Variants in CACNA1A observed in about 807,000 individuals in gnomAD.
The protein encoded by CACNA1A is voltage-dependent P/Q-type calcium channel subunit alpha-1A.
A neutral mutation model predicts 262.4 loss-of-function variants in CACNA1A; 57 were observed. The ratio of observed to expected loss-of-function variants is 0.22; its 90% confidence interval spans 0.18 to 0.27. The LOEUF (loss-of-function observed/expected upper bound fraction) is 0.27, where lower values mean the gene tolerates loss of function less well. Among genes scored for constraint, CACNA1A ranks in the 10% least tolerant of loss-of-function variants. CACNA1A has a pLI of 1.00. For missense variants in CACNA1A, 2,526 were observed against 3,562.8 expected (o/e 0.71, Z 7.41); for synonymous variants, 1,431 against 1,419.3 (o/e 1.01, Z -0.18).
chr19:13,222,469 C>T (rs1022864370), intron 38 of CACNA1A, among the ~76,000 whole-genome samples: 4 of 149,376 alleles, frequency 2.7e-5, no homozygotes, highest in Non-Finnish European at 4.4e-5. Context: ...AAGCTCGGCT[C>T]GCTGCAACCT....
At chr19:13,368,196 TC>T (rs2059251571) in intron 4 of CACNA1A, among the ~76,000 whole-genome samples, 1 of 151,750 alleles carries the variant, frequency 6.6e-6, no homozygotes, top group Non-Finnish European at 1.5e-5. Context: ...GTGCCTGGAG[TC>T]CCAGCTATTT....
chr19:13,244,505 C>A (rs74818552), intron 31 of CACNA1A: 24,750 of 152,370 alleles, frequency 0.16, 2,727 homozygotes, highest in East Asian at 0.6. Context: ...TACCCTCCCC[C>A]CAATCTCCTG....
intron 4 of CACNA1A, among the ~76,000 whole-genome samples, chr19:13,370,259 C>T (rs1239184186): frequency 6.6e-6 from 1 of 151,906 alleles, no homozygotes; most frequent in South Asian, 2.1e-4. Context: ...CGCCACCACG[C>T]CCGGCTAAGT....
intron 3 of CACNA1A, among the ~76,000 whole-genome samples, chr19:13,428,394 C>T (rs1045303183): frequency 6.6e-6 from 1 of 152,208 alleles, no homozygotes; most frequent in Admixed American, 6.5e-5. Context: ...GCAGGCCTGT[C>T]TTGTTGACCG....
chr19:13,331,161 G>A (rs909629008), intron 9 of CACNA1A, among the ~76,000 whole-genome samples: 2 of 152,098 alleles, frequency 1.3e-5, no homozygotes, highest in African/African-American at 4.8e-5. Context: ...ATAACCTTCT[G>A]GGACGCAGTG....
At chr19:13,482,840 C>T (rs971629980) in intron 1 of CACNA1A, among the ~76,000 whole-genome samples, 2 of 146,670 alleles carry the variant, frequency 1.4e-5, no homozygotes, top group South Asian at 4.5e-4. Flanking sequence ...CCCCTTCTTT[C>T]TCTCAACTTG....
chr19:13,375,043 T>A (rs989013451), intron 3 of CACNA1A, among the ~76,000 whole-genome samples: 3 of 152,238 alleles, frequency 2.0e-5, no homozygotes, highest in African/African-American at 7.2e-5. Flanking sequence ...AATTGAAGAT[T>A]TGTGGCAACC....
intron 3 of CACNA1A, among the ~76,000 whole-genome samples, chr19:13,413,911 G>GAAAAGAAAAGAAAAGA (rs1429238331): frequency 2.0e-5 from 2 of 100,244 alleles, no homozygotes; most frequent in African/African-American, 6.2e-5. Flanking sequence ...AAGAAAGAAA[G>GAAAAGAAAAGAAAAGA]AAAGAAAGAA....
intron 7 of CACNA1A, among the ~76,000 whole-genome samples, 188 bp from the exon 8 acceptor site, chr19:13,334,681 G>A (rs2058532037): frequency 6.6e-6 from 1 of 151,654 alleles, no homozygotes; most frequent in Non-Finnish European, 1.5e-5. Context: ...GGAAAAGACT[G>A]GGATATTATA....
chr19:13,369,029 C>A (rs2059270113), intron 4 of CACNA1A, among the ~76,000 whole-genome samples: 2 of 109,564 alleles, frequency 1.8e-5, no homozygotes, highest in African/African-American at 5.9e-5. Context: ...CAGAGCGAGA[C>A]TCCGTCTCAA....
At chr19:13,431,362 A>G (rs753106708) in intron 3 of CACNA1A, among the ~76,000 whole-genome samples, 1 of 152,060 alleles carries the variant, frequency 6.6e-6, no homozygotes, top group Non-Finnish European at 1.5e-5. Flanking sequence ...GGTAGAGCCA[A>G]TAAGATGTGC....
At chr19:13,215,621 G>GTT (rs34070721) in intron 38 of CACNA1A, among the ~76,000 whole-genome samples, 19 of 135,030 alleles carry the variant, frequency 1.4e-4, no homozygotes, top group Non-Finnish European at 2.2e-4. Flanking sequence ...CGTCTGGCCT[G>GTT]TTTTTTTTTT....
At chr19:13,299,808 A>T (rs760830841) in intron 18 of CACNA1A, among the ~76,000 whole-genome samples, 1 of 151,820 alleles carries the variant, frequency 6.6e-6, no homozygotes, top group Non-Finnish European at 1.5e-5. Flanking sequence ...GCAGTCCCCA[A>T]CCTTTTTGGC....
At chr19:13,366,465 A>G (rs1011930795) in intron 4 of CACNA1A, among the ~76,000 whole-genome samples, 3 of 151,502 alleles carry the variant, frequency 2.0e-5, no homozygotes, top group African/African-American at 4.9e-5. Context: ...AAATAAATCT[A>G]TATATATATT....
At chr19:13,449,706 A>G (rs1045416404) in intron 3 of CACNA1A, among the ~76,000 whole-genome samples, 1 of 152,228 alleles carries the variant, frequency 6.6e-6, no homozygotes, top group Non-Finnish European at 1.5e-5. Flanking sequence ...TAGGTAGCAT[A>G]TATTTCTTAT....
chr19:13,245,889 C>T (rs1299800531), intron 30 of CACNA1A, among the ~76,000 whole-genome samples: 1 of 152,106 alleles, frequency 6.6e-6, no homozygotes. Context: ...TCAGGCTGGT[C>T]TCGAACTTCT....
At chr19:13,333,001 G>T in intron 8 of CACNA1A, 76 bp from the exon 9 acceptor site, 2 of 1,148,218 alleles carry the variant, frequency 1.7e-6, no homozygotes, top group Non-Finnish European at 2.6e-6. Context: ...AGAAGGGTCT[G>T]CCCGGCCACC....
intron 3 of CACNA1A, among the ~76,000 whole-genome samples, chr19:13,404,228 G>A (rs963800169): frequency 2.6e-5 from 4 of 151,978 alleles, no homozygotes; most frequent in African/African-American, 7.3e-5. Flanking sequence ...CATAGTTAAT[G>A]CTGCTATATA....
intron 2 of CACNA1A, among the ~76,000 whole-genome samples, chr19:13,454,667 T>C (rs531257700): frequency 4.7e-4 from 72 of 152,314 alleles, no homozygotes; most frequent in African/African-American, 1.7e-3. Context: ...CTACAGTGTC[T>C]GGCCAAGACA....
Sources: allele counts gnomAD v4.1 joint callset (sites outside exome capture counted in the v4.1 genomes callset), GRCh38; gene constraint gnomAD v4.1.1; transcripts MANE v1.5; gene names NCBI Gene and HGNC (gene_info 2026-07-23, HGNC 2026-07-21).